The following WFS1 variants were observed in gnomAD, a reference collection of about 807,000 sequenced individuals.
The protein encoded by WFS1 is wolframin.
A neutral mutation model predicts 68.5 loss-of-function variants in WFS1; 90 were observed. The ratio of observed to expected loss-of-function variants is 1.31; its 90% CI spans 1.11 to 1.56. The LOEUF is 1.56. Among genes scored for constraint, WFS1 ranks in the 40% most tolerant of loss-of-function variants. WFS1 has a pLI of 0.00. For missense variants in WFS1, 1,767 were observed against 1,232.6 expected (o/e 1.43, Z -6.49); for synonymous variants, 860 against 540.7 (o/e 1.59, Z -8.19).
chr4:6,276,453 G>A (rs1422944733), intron 1 of WFS1, among the ~76,000 whole-genome samples: 2 of 152,130 alleles, frequency 1.3e-5, no homozygotes, highest in African/African-American at 2.4e-5. Flanking sequence ...TGCCCCCACC[G>A]CACTGTTTGC....
At chr4:6,292,965 A>G (rs944128451) in intron 6 of WFS1, among the ~76,000 whole-genome samples, 4 of 152,224 alleles carry the variant, frequency 2.6e-5, no homozygotes, top group Non-Finnish European at 4.4e-5. Context: ...GCGTGGGCGG[A>G]CATGGGTGCT....
At chr4:6,291,896 A>T in intron 5 of WFS1, 21 bp from the exon 6 acceptor site, 1 of 1,603,960 alleles carries the variant, frequency 6.2e-7, no homozygotes, top group South Asian at 1.1e-5. Context: ...TCTGACTGTT[A>T]ATCCACCCTG....
chr4:6,298,383 T>G (rs1730702691), intron 7 of WFS1, among the ~76,000 whole-genome samples: 1 of 152,248 alleles, frequency 6.6e-6, no homozygotes, highest in Admixed American at 6.5e-5. Flanking sequence ...TGCCTGGTCT[T>G]CCCTGGCCAT....
At chr4:6,275,090 C>G (rs138878650) in intron 1 of WFS1, among the ~76,000 whole-genome samples, 1,543 of 152,280 alleles carry the variant, frequency 0.01, 26 homozygotes, top group African/African-American at 0.036. Context: ...ACAATAGGAC[C>G]TACCTTCCAG....
intron 6 of WFS1, among the ~76,000 whole-genome samples, chr4:6,294,363 C>G (rs1057041604): frequency 1.3e-5 from 2 of 152,068 alleles, no homozygotes; most frequent in African/African-American, 4.8e-5. Flanking sequence ...GTAGCAGGCT[C>G]TTGGTGGAAG....
rs773900146 is a variant in WFS1, at chr4:6,300,832, C to T, written c.1037C>T (p.Pro346Leu). 22 of 1,613,966 alleles carry T rather than the reference C, an allele frequency of 1.4e-5. No homozygotes were observed. The highest frequency in any genetic ancestry group is 1.6e-4 in the Middle Eastern group (1 of 6,082). ...LTIDFFAFFI[P>L]LVIFYLSFIS... ...ATCGACTTCTTCGCCTTCTTCATCC[C>T]GCTGGTCATCTTCTACCTGTCCTTC... The change falls in exon 8 of 8, where the codon CCG becomes CTG. Residue 346 changes from proline (P) to leucine (L), a missense_variant. Physicochemically the swap from Pro to Leu is moderately conservative, Grantham distance 98. Coordinates refer to ENST00000226760, the MANE Select transcript of WFS1 (RefSeq NM_006005.3).
intron 6 of WFS1, among the ~76,000 whole-genome samples, chr4:6,292,587 C>A (rs1410842582): frequency 6.6e-6 from 1 of 152,132 alleles, no homozygotes; most frequent in African/African-American, 2.4e-5. Flanking sequence ...CCTCCACGTG[C>A]AGCTGGCCAG....
chr4:6,300,506 G>A (rs1730839134), intron 7 of WFS1, 151 bp from the exon 8 acceptor site: 12 of 1,201,384 alleles, frequency 1.0e-5, no homozygotes, highest in Non-Finnish European at 9.4e-6. Context: ...GAGAAGGGGG[G>A]AGGGAGGACC....
In WFS1 at chr4:6,301,331, C is replaced by T. The variant is rs199728640; in HGVS notation, c.1536C>T (p.Leu512=). 1.9e-6 allele frequency: 3 copies of T among 1,611,874 alleles called. No individual in the cohort carries two copies. Among genetic ancestry groups the T allele is most frequent in the East Asian group, 4.5e-5 (2 of 44,898 alleles). Residue 512 remains leucine (L), a synonymous_variant, in exon 8 of 8, where the codon CTC becomes CTT. Transcript: ENST00000226760. ...SVPCLLYVYL[L]YLFFRMAQLR... ...CGTGCCTGCTCTATGTCTACCTGCT[C>T]TATCTCTTCTTCCGCATGGCACAGC...
Position 6,283,699 on chromosome 4 carries a change from T to C in WFS1, c.233-3394T>C, listed in dbSNP as rs1455980585. On this transcript the variant is annotated intron_variant, in intron 2 of 7. Coordinates refer to ENST00000226760, the MANE Select transcript of WFS1 (RefSeq NM_006005.3). The surrounding 1 kb of genome is among the most constrained non-coding windows in gnomAD (Gnocchi z 5.0). ...GAACCAGGTGCTGTAGTCAGGGAGA[T>C]GACCTGGCAACTCTGATTGGCCAGG... 6.6e-6 allele frequency among the ~76,000 whole-genome samples: 1 copy of C among 152,204 alleles called. No individual in the cohort carries two copies. Among genetic ancestry groups the C allele is most frequent in the African/African-American group, 2.4e-5 (1 of 41,450 alleles).
At chr4:6,276,671 C>G (rs764022012) in intron 1 of WFS1, among the ~76,000 whole-genome samples, 17 of 152,326 alleles carry the variant, frequency 1.1e-4, no homozygotes, top group Non-Finnish European at 2.5e-4. Flanking sequence ...TAACTTTACT[C>G]AGTACCAGCG....
chr4:6,270,864 C>G (rs1432214570), intron 1 of WFS1, among the ~76,000 whole-genome samples: 1 of 152,142 alleles, frequency 6.6e-6, no homozygotes, highest in Admixed American at 6.5e-5. Context: ...CGTTTGACAC[C>G]CCAGGAAGCT....
rs376992762 is a variant in WFS1 at position 6,296,219 on chromosome 4, G to T, written c.861+1030G>T. Among the ~76,000 whole-genome samples, 237 of 152,244 alleles carry T rather than the reference G, an allele frequency of 1.6e-3. 8 individuals are homozygous for T. The South Asian group carries it at 0.047, about 30-fold the overall frequency. ...GGTCAGAGTAGGCCCGCCCTCCGGT[G>T]GGGGGGAAGAGCAGGAACCCAGGTG... is the stretch of plus-strand genomic sequence containing the variant. On this transcript the variant is annotated intron_variant, in intron 7 of 7. Transcript: ENST00000226760.
At chr4:6,275,370 A>G (rs1729962831) in intron 1 of WFS1, among the ~76,000 whole-genome samples, 3 of 152,136 alleles carry the variant, frequency 2.0e-5, no homozygotes, top group African/African-American at 7.2e-5. Flanking sequence ...TGTGGGTTCT[A>G]CGTGCGATCC....
rs755102943 is a variant in WFS1, at chr4:6,302,340, A to C, written c.2545A>C (p.Asn849His). Residue 849 changes from asparagine to histidine, a missense_variant, in exon 8 of 8, where the codon AAC becomes CAC. Coordinates refer to ENST00000226760, the MANE Select transcript of WFS1 (RefSeq NM_006005.3). The part of the protein sequence containing the change: ...VFELKAISCL[N>H]CMAQLSPTRR... ...CGAGCTCAAGGCCATCAGCTGCCTC[A>C]ACTGCATGGCCCAGCTCTCACCCAC... 2 of 1,612,672 alleles carry C rather than the reference A, an allele frequency of 1.2e-6. No homozygotes were observed. The highest frequency in any genetic ancestry group is 2.7e-5 in the African/African-American group (2 of 74,944).
rs1341915016 is a variant in WFS1, at chr4:6,301,505, C to T, written c.1710C>T (p.Leu570=). ...SIGYFLFLFA[L]PILVAGLALV... ...GCTACTTCCTCTTCCTCTTTGCCCTCCCCATCCTGGTGGCCGGCCTGGCCC... is the reference window on the plus strand; with the variant it reads ...GCTACTTCCTCTTCCTCTTTGCCCTTCCCATCCTGGTGGCCGGCCTGGCCC... Residue 570 remains leucine, a synonymous_variant, in exon 8 of 8, where the codon CTC becomes CTT. Transcript: ENST00000226760. The T allele has an allele frequency of 6.2e-7, 1 of 1,613,562 alleles. No individual in the cohort carries two copies. The highest frequency in any genetic ancestry group is 8.5e-7 in the Non-Finnish European group (1 of 1,179,938).
intron 2 of WFS1, among the ~76,000 whole-genome samples, chr4:6,278,795 C>T (rs1730070743): frequency 6.6e-6 from 1 of 152,240 alleles, no homozygotes; most frequent in South Asian, 2.1e-4. Context: ...CTGTGCTCCT[C>T]TGCTTTGTTT....
intron 2 of WFS1, among the ~76,000 whole-genome samples, chr4:6,278,043 C>T (rs58940169): frequency 2.6e-5 from 4 of 152,370 alleles, no homozygotes; most frequent in African/African-American, 9.6e-5. Flanking sequence ...CCAGAGGTGA[C>T]AGCCACACTC....
chr4:6,298,917 TG>T (rs750579135), intron 7 of WFS1, among the ~76,000 whole-genome samples: 1 of 152,192 alleles, frequency 6.6e-6, no homozygotes, highest in Non-Finnish European at 1.5e-5. Flanking sequence ...CCGGAGCTGA[TG>T]GGGGGCTCCA....
Sources: gnomAD v4.1 joint callset for allele counts (sites outside exome capture counted in the v4.1 genomes callset) on GRCh38, gnomAD v4.1.1 for gene constraint, Gnocchi (gnomAD v3.1) non-coding constraint, MANE v1.5 for transcripts, NCBI Gene and HGNC (gene_info 2026-07-23, HGNC 2026-07-21) for gene names.